RNF38: variants seen among roughly 807,000 people sequenced by gnomAD.
The protein encoded by RNF38 is E3 ubiquitin-protein ligase RNF38.
Under a neutral mutation model 67.2 loss-of-function variants are expected in RNF38, and 15 were observed. The observed-to-expected ratio is 0.22, with a 90% CI of 0.15 to 0.34. RNF38 has a LOEUF of 0.34. Among genes scored for constraint, RNF38 ranks in the 10% least tolerant of loss-of-function variants. The pLI, the probability that RNF38 is intolerant of heterozygous loss-of-function variation, is 1.00. For missense variants in RNF38, 524 were observed against 639.9 expected (o/e 0.82, Z 1.95); for synonymous variants, 220 against 218.8 (o/e 1.01, Z -0.05).
chr9:36,430,403 C>T (rs866635970), intron 1 of RNF38, among the ~76,000 whole-genome samples: 2 of 152,196 alleles, frequency 1.3e-5, no homozygotes, highest in African/African-American at 4.8e-5. Context: ...ACGGGTTTTG[C>T]CATGTTCGTC....
chr9:36,371,168 ACTTT>A (rs568961386), intron 3 of RNF38, among the ~76,000 whole-genome samples: 107 of 152,152 alleles, frequency 7.0e-4, no homozygotes, highest in African/African-American at 2.5e-3. Flanking sequence ...CATTTTAGCA[ACTTT>A]CTTTATGGTC....
intron 1 of RNF38, among the ~76,000 whole-genome samples, chr9:36,472,993 G>A (rs898081399): frequency 1.6e-4 from 25 of 152,076 alleles, no homozygotes; most frequent in African/African-American, 5.8e-4. Flanking sequence ...TTAGCCAGGC[G>A]TAGTGGCACA....
At chr9:36,457,302 G>GT (rs1839616746) in intron 1 of RNF38, among the ~76,000 whole-genome samples, 1 of 152,118 alleles carries the variant, frequency 6.6e-6, no homozygotes, top group Non-Finnish European at 1.5e-5. Context: ...CTGCATACAG[G>GT]TAACACTTTG....
At chr9:36,400,907 CCGCCGCGCCCCGCCG>C (rs1837979883), upstream of RNF38, 8 of 917,442 alleles carry the variant, frequency 8.7e-6, no homozygotes, top group Middle Eastern at 5.3e-4. Context: ...CCTCCCCGCC[CCGCCGCGCCCCGCCG>C]CACCCCGCCT....
chr9:36,345,058 T>C, intron 9 of RNF38, 105 bp from the exon 10 acceptor site: 2 of 1,227,058 alleles, frequency 1.6e-6, no homozygotes, highest in Admixed American at 4.9e-5. Context: ...CAGGCTAGAG[T>C]ATAGCGGCTG....
chr9:36,448,396 A>G (rs1383229267), intron 1 of RNF38, among the ~76,000 whole-genome samples: 1 of 152,216 alleles, frequency 6.6e-6, no homozygotes, highest in Admixed American at 6.5e-5. Flanking sequence ...TCATCAGGAA[A>G]AAGAAAACAA....
rs1024803043 is a variant in RNF38, at chr9:36,383,772, G to A, written c.162+6695C>T. Among the ~76,000 whole-genome samples, 9 of 150,572 alleles carry A rather than the reference G, an allele frequency of 6.0e-5. No individual in the cohort carries two copies. In the South Asian group the frequency reaches 1.0e-3, roughly 17 times the overall value. On this transcript the variant is annotated intron_variant, in intron 2 of 11. Coordinates refer to ENST00000259605, the MANE Select transcript of RNF38 (RefSeq NM_022781.5). ...TTTCAAAAGTTACCATAAACATGCAGAAACAAAAAAATTTTGCTCTTTGAT... is the reference window on the plus strand; with the variant it reads ...TTTCAAAAGTTACCATAAACATGCAAAAACAAAAAAATTTTGCTCTTTGAT...
At chr9:36,437,000 T>C (rs1417060052) in intron 1 of RNF38, among the ~76,000 whole-genome samples, 1 of 152,162 alleles carries the variant, frequency 6.6e-6, no homozygotes, top group Non-Finnish European at 1.5e-5. Flanking sequence ...GTCAGACTCT[T>C]CCTTTTTCCC....
chr9:36,470,170 A>T (rs1371490961), intron 1 of RNF38, among the ~76,000 whole-genome samples: 1 of 152,106 alleles, frequency 6.6e-6, no homozygotes, highest in East Asian at 1.9e-4. Flanking sequence ...GGTGAATCAA[A>T]AGCACTGGTG....
intron 4 of RNF38, among the ~76,000 whole-genome samples, chr9:36,366,046 C>A (rs1407457409): frequency 6.6e-6 from 1 of 151,962 alleles, no homozygotes; most frequent in Non-Finnish European, 1.5e-5. Flanking sequence ...CAGAGAATTT[C>A]AAATATGTTC....
upstream of RNF38, among the ~76,000 whole-genome samples, chr9:36,403,078 G>A (rs1310354276): frequency 1.3e-5 from 2 of 152,314 alleles, no homozygotes; most frequent in Non-Finnish European, 2.9e-5. Flanking sequence ...GGGATTACAG[G>A]TGTGAACTAC....
intron 3 of RNF38, among the ~76,000 whole-genome samples, chr9:36,373,817 G>A (rs563927163): frequency 1.5e-4 from 23 of 151,266 alleles, no homozygotes; most frequent in Admixed American, 1.2e-3. Flanking sequence ...ATGGAGTTTC[G>A]CTTTTGTTGC....
intron 3 of RNF38, among the ~76,000 whole-genome samples, chr9:36,372,209 G>A (rs1450765865): frequency 3.9e-5 from 6 of 152,050 alleles, no homozygotes; most frequent in Non-Finnish European, 5.9e-5. Flanking sequence ...GATTACAGGC[G>A]TGAGCCACCG....
intron 1 of RNF38, among the ~76,000 whole-genome samples, chr9:36,444,772 C>T (rs2134311915): frequency 6.6e-6 from 1 of 152,198 alleles, no homozygotes; most frequent in Non-Finnish European, 1.5e-5. Flanking sequence ...TGCACTCCAA[C>T]CTGGGAGATA....
At chr9:36,449,426 A>C (rs565467079) in intron 1 of RNF38, among the ~76,000 whole-genome samples, 6 of 151,724 alleles carry the variant, frequency 4.0e-5, no homozygotes, top group Non-Finnish European at 4.4e-5. Context: ...GTGAGACCCT[A>C]TCTCTCTCTT....
chr9:36,406,831 T>C (rs1838195950), intron 2 of RNF38, among the ~76,000 whole-genome samples: 1 of 152,206 alleles, frequency 6.6e-6, no homozygotes, highest in Non-Finnish European at 1.5e-5. Context: ...AAGTTTCCTT[T>C]CTTCCTCCAA....
In RNF38 at chr9:36,484,033, T is replaced by G. The variant is rs73648760; in HGVS notation, n.241+3275A>C. Among the ~76,000 whole-genome samples the G allele has an allele frequency of 2.4e-3, 369 of 151,812 alleles. 1 individual carries two copies. The highest frequency in any genetic ancestry group is 8.6e-3 in the African/African-American group (355 of 41,430). ...AAATTCCATCCCAGTCATCCAGGAG[T>G]GGGAACAGAGGGGCAGCCTAAGGAA... On this transcript the variant is annotated intron_variant and non_coding_transcript_variant, in intron 1 of 3. Coordinates refer to the RNF38 transcript ENST00000488058.
At chr9:36,433,743 A>C (rs1004244098) in intron 1 of RNF38, among the ~76,000 whole-genome samples, 4 of 152,066 alleles carry the variant, frequency 2.6e-5, no homozygotes, top group African/African-American at 9.7e-5. Context: ...TACAAATGTT[A>C]AACTTTTCTC....
At chr9:36,387,429 A>C (rs966896547) in intron 2 of RNF38, among the ~76,000 whole-genome samples, 5 of 152,228 alleles carry the variant, frequency 3.3e-5, no homozygotes, top group Non-Finnish European at 4.4e-5. Flanking sequence ...GTACTTAATT[A>C]CCTTTTGAAA....
Sources: gnomAD v4.1 joint callset for allele counts (sites outside exome capture counted in the v4.1 genomes callset) on GRCh38, gnomAD v4.1.1 for gene constraint, MANE v1.5 for transcripts, NCBI Gene and HGNC (gene_info 2026-07-23, HGNC 2026-07-21) for gene names.